FAM83B: variants seen among roughly 807,000 people sequenced by gnomAD.
FAM83B encodes the protein protein FAM83B.
A neutral mutation model predicts 38.8 loss-of-function variants in FAM83B; 26 were observed. That is an observed-to-expected ratio of 0.67 (90% confidence interval 0.49 to 0.93). The LOEUF (loss-of-function observed/expected upper bound fraction) is 0.93. FAM83B is among the 40% of genes least tolerant of loss of function. The probability of loss-of-function intolerance (pLI) is 0.00; values close to 1 mark genes in which losing one functional copy is unlikely to be tolerated. For synonymous variants in FAM83B, 419 were observed against 423.1 expected (o/e 0.99, Z 0.12); for missense variants, 1,237 against 1,197.3 (o/e 1.03, Z -0.49).
chr6:54,911,999 T>C (rs1581917409), intron 2 of FAM83B, among the ~76,000 whole-genome samples: 1 of 152,016 alleles, frequency 6.6e-6, no homozygotes, highest in African/African-American at 2.4e-5. Flanking sequence ...CCAAGATAAT[T>C]TTTATACCTT....
chr6:54,865,534 A>G (rs1771679808), intron 1 of FAM83B, among the ~76,000 whole-genome samples: 1 of 152,182 alleles, frequency 6.6e-6, no homozygotes, highest in Non-Finnish European at 1.5e-5. Context: ...AGTGCAACTC[A>G]TAAAGCATTC....
intron 4 of FAM83B, among the ~76,000 whole-genome samples, chr6:54,930,718 A>G (rs1773401357): frequency 6.6e-6 from 1 of 151,926 alleles, no homozygotes; most frequent in African/African-American, 2.4e-5. Flanking sequence ...AACCTTTCAG[A>G]ATTTCCCTTT....
rs770053273 is a variant in FAM83B at position 54,926,487 on chromosome 6, T to C, written c.561T>C (p.His187=). 6.2e-7 allele frequency: 1 copy of C among 1,609,828 alleles called. No homozygotes were observed. The highest frequency in any genetic ancestry group is 1.3e-5 in the African/African-American group (1 of 74,948). Residue 187 remains histidine, a synonymous_variant, in exon 3 of 5, where the codon CAT becomes CAC. Transcript: ENST00000306858. The stretch of plus-strand genomic sequence containing the variant: ...TGCTTGATGAGTCCAATTTTAATCA[T>C]TTTCTAAATATGACTGAGAAACAAG... ...YILLDESNFN[H]FLNMTEKQGC...
At chr6:54,939,619 TA>T in intron 4 of FAM83B, 86 bp from the exon 5 acceptor site, 2 of 1,223,844 alleles carry the variant, frequency 1.6e-6, no homozygotes, top group South Asian at 1.8e-5. Flanking sequence ...TACAAAAACA[TA>T]GTCATTAAGT....
chr6:54,848,399 G>A (rs934359682), intron 1 of FAM83B, among the ~76,000 whole-genome samples: 1 of 152,136 alleles, frequency 6.6e-6, no homozygotes, highest in Admixed American at 6.5e-5. Context: ...GCTTTAGACC[G>A]CAGATGCTGA....
intron 1 of FAM83B, among the ~76,000 whole-genome samples, chr6:54,847,388 ATTGT>A (rs958399818): frequency 1.3e-5 from 2 of 151,716 alleles, no homozygotes; most frequent in Non-Finnish European, 2.9e-5. Flanking sequence ...CAACCTCTTA[ATTGT>A]ACAGGATCCC....
At chr6:54,895,567 T>G (rs573621546) in intron 2 of FAM83B, among the ~76,000 whole-genome samples, 1 of 152,336 alleles carries the variant, frequency 6.6e-6, no homozygotes, top group South Asian at 2.1e-4. Flanking sequence ...TTAATACACA[T>G]TTACATATCA....
At chr6:54,858,221 A>T (rs910606158) in intron 1 of FAM83B, among the ~76,000 whole-genome samples, 1 of 152,218 alleles carries the variant, frequency 6.6e-6, no homozygotes. Context: ...AGTCTTCTGC[A>T]TATCTCAGCA....
At chr6:54,852,707 T>C (rs1400167311) in intron 1 of FAM83B, among the ~76,000 whole-genome samples, 1 of 152,186 alleles carries the variant, frequency 6.6e-6, no homozygotes, top group Non-Finnish European at 1.5e-5. Context: ...ATTATCCAAA[T>C]TGTGAAAGCA....
At chr6:54,905,845 T>C (rs1772766262) in intron 2 of FAM83B, among the ~76,000 whole-genome samples, 3 of 152,106 alleles carry the variant, frequency 2.0e-5, no homozygotes, top group Admixed American at 2.0e-4. Flanking sequence ...CTTTATATTA[T>C]GAATTCTCCA....
At chr6:54,909,104 C>T (rs1772846391) in intron 2 of FAM83B, among the ~76,000 whole-genome samples, 1 of 151,998 alleles carries the variant, frequency 6.6e-6, no homozygotes. Context: ...ACAATACCTT[C>T]CACAATGCAA....
intron 2 of FAM83B, among the ~76,000 whole-genome samples, chr6:54,913,027 A>C (rs1772948597): frequency 6.6e-6 from 1 of 152,056 alleles, no homozygotes; most frequent in South Asian, 2.1e-4. Context: ...ATTACTAAAA[A>C]ATAAATAGGA....
At chr6:54,869,782 T>G (rs7743413) in intron 1 of FAM83B, among the ~76,000 whole-genome samples, 138,732 of 152,106 alleles carry the variant, frequency 0.91, 63,514 homozygotes, top group East Asian at 1. Flanking sequence ...GTAATGTTTT[T>G]TGCGTACAAT....
At chr6:54,853,280 T>C (rs911112194) in intron 1 of FAM83B, among the ~76,000 whole-genome samples, 3 of 152,160 alleles carry the variant, frequency 2.0e-5, no homozygotes, top group Non-Finnish European at 4.4e-5. Flanking sequence ...CCAGAAAATC[T>C]AGCTAAGATA....
intron 2 of FAM83B, among the ~76,000 whole-genome samples, chr6:54,880,825 A>G (rs1302728817): frequency 6.6e-6 from 1 of 152,186 alleles, no homozygotes; most frequent in Non-Finnish European, 1.5e-5. Context: ...AGAAAAGGCA[A>G]TCATAATCTC....
intron 2 of FAM83B, among the ~76,000 whole-genome samples, chr6:54,911,234 G>A (rs1313251219): frequency 6.7e-6 from 1 of 148,942 alleles, no homozygotes; most frequent in Non-Finnish European, 1.5e-5. Flanking sequence ...TTGCTTCTTT[G>A]TTTTTTGATA....
Position 54,941,953 on chromosome 6 carries a change from C to A in FAM83B, c.2982C>A (p.Asn994Lys), listed in dbSNP as rs751703533. 15 of 1,610,088 alleles carry A rather than the reference C, an allele frequency of 9.3e-6. No individual in the cohort carries two copies. The South Asian group carries it at 1.6e-4, about 17-fold the overall frequency. Residue 994 changes from asparagine (N) to lysine (K), a missense_variant, in exon 5 of 5, where the codon AAC becomes AAA. Physicochemically the swap from Asn to Lys is moderately conservative, Grantham distance 94. Transcript: ENST00000306858. ...ATCGCTCATATCAACCCAATGAGAA[C>A]AAGTTTCGAGGATTTATGCAAAAGT... ...GVYRSYQPNE[N>K]KFRGFMQKFG...
Position 54,870,563 on chromosome 6 carries a change from T to G in FAM83B, c.317T>G (p.Leu106Ter). 1 of 1,614,080 alleles carries G rather than the reference T, an allele frequency of 6.2e-7. No individual in the cohort carries two copies. Among genetic ancestry groups the G allele is most frequent in the Non-Finnish European group, 8.5e-7 (1 of 1,179,976 alleles). The stretch of plus-strand genomic sequence containing the variant: ...GATGTGGAAGCTCCAAATCTTGACT[T>G]AGGCTGGCCATATGTGATGCCCGGA... The part of the protein sequence containing the change: ...ESDVEAPNLD[L>*]GWPYVMPGLL... Residue 106 changes from leucine to a stop codon, truncating the protein, a stop_gained, in exon 2 of 5, where the codon TTA becomes TGA. Transcript: ENST00000306858. LOFTEE classifies it high-confidence loss of function.
At chr6:54,854,336 G>A (rs118093596) in intron 1 of FAM83B, among the ~76,000 whole-genome samples, 1 of 152,318 alleles carries the variant, frequency 6.6e-6, no homozygotes, top group East Asian at 1.9e-4. Context: ...GTAAACTGCT[G>A]TTAAACAACA....
Sources: gnomAD v4.1 joint callset for allele counts (sites outside exome capture counted in the v4.1 genomes callset) on GRCh38, gnomAD v4.1.1 for gene constraint, MANE v1.5 for transcripts, NCBI Gene and HGNC (gene_info 2026-07-23, HGNC 2026-07-21) for gene names.